PTN: variants seen among roughly 807,000 people sequenced by gnomAD.
PTN encodes heparin affin regulatory protein.
A neutral mutation model predicts 24.1 loss-of-function variants in PTN; 18 were observed. The ratio of observed to expected loss-of-function variants is 0.75; its 90% CI spans 0.52 to 1.11. The LOEUF (loss-of-function observed/expected upper bound fraction) is 1.11, where lower values mean the gene tolerates loss of function less well. Ranked by LOEUF, PTN falls within the 50% of genes least tolerant of loss-of-function variation. The probability of loss-of-function intolerance (pLI) is 0.00; values close to 1 mark genes in which losing one functional copy is unlikely to be tolerated. For missense variants in PTN, 163 were observed against 198.8 expected (o/e 0.82, Z 1.08); for synonymous variants, 78 against 68.6 (o/e 1.14, Z -0.67).
At chr7:137,329,990 A>G (rs1810323016) in intron 1 of PTN, among the ~76,000 whole-genome samples, 1 of 152,200 alleles carries the variant, frequency 6.6e-6, no homozygotes, top group African/African-American at 2.4e-5. Flanking sequence ...CCTCCACATG[A>G]AAATAATGCC....
intron 1 of PTN, among the ~76,000 whole-genome samples, chr7:137,265,770 G>C (rs562309599): frequency 9.5e-4 from 145 of 152,044 alleles, no homozygotes; most frequent in African/African-American, 3.3e-3. Context: ...TTTGTTTAAC[G>C]TGCAGATGGA....
chr7:137,307,077 C>T (rs911107450), intron 1 of PTN, among the ~76,000 whole-genome samples: 5 of 152,066 alleles, frequency 3.3e-5, no homozygotes, highest in Non-Finnish European at 7.4e-5. Flanking sequence ...AACTGAAATT[C>T]AATTAGGTAT....
intron 1 of PTN, among the ~76,000 whole-genome samples, chr7:137,269,624 ATTTTT>A (rs869311084): frequency 6.0e-4 from 38 of 63,002 alleles, no homozygotes; most frequent in African/African-American, 1.9e-3. Flanking sequence ...TGCTTCATCT[ATTTTT>A]TTTTTTTTTT....
At chr7:137,248,392 G>C (rs1434592263) in intron 4 of PTN, among the ~76,000 whole-genome samples, 1 of 152,108 alleles carries the variant, frequency 6.6e-6, no homozygotes, top group Non-Finnish European at 1.5e-5. Context: ...CCTAAAATAA[G>C]AATATTCTTT....
intron 1 of PTN, among the ~76,000 whole-genome samples, chr7:137,261,925 A>G (rs322313): frequency 0.45 from 67,961 of 151,998 alleles, 15,511 homozygotes; most frequent in African/African-American, 0.55. Flanking sequence ...AACAAAGTAC[A>G]TCAGATAATT....
chr7:137,319,562 C>G (rs1810129608), intron 1 of PTN, among the ~76,000 whole-genome samples: 1 of 152,158 alleles, frequency 6.6e-6, no homozygotes, highest in Non-Finnish European at 1.5e-5. Flanking sequence ...TTTGGCCATT[C>G]AGCTTCCTCT....
chr7:137,325,023 G>A (rs1810235630), intron 1 of PTN, among the ~76,000 whole-genome samples: 1 of 152,162 alleles, frequency 6.6e-6, no homozygotes, highest in Admixed American at 6.5e-5. Context: ...TCATCCTGCA[G>A]TAGCTTCCTG....
chr7:137,318,651 A>G (rs1810112572), intron 1 of PTN: 1 of 152,212 alleles, frequency 6.6e-6, no homozygotes, highest in Non-Finnish European at 1.5e-5. Context: ...TCCGAATGAT[A>G]TGATCTTCCT....
chr7:137,338,324 A>G (rs1810481046), intron 1 of PTN, among the ~76,000 whole-genome samples: 1 of 152,216 alleles, frequency 6.6e-6, no homozygotes, highest in South Asian at 2.1e-4. Flanking sequence ...GATTCTAAAT[A>G]AACTCAGTCT....
intron 1 of PTN, among the ~76,000 whole-genome samples, chr7:137,315,338 A>G (rs1354143914): frequency 6.6e-6 from 1 of 151,970 alleles, no homozygotes; most frequent in African/African-American, 2.4e-5. Context: ...TGAATGTCCC[A>G]GAACACTTAC....
intron 1 of PTN, among the ~76,000 whole-genome samples, chr7:137,314,112 A>G (rs1358305205): frequency 1.3e-5 from 2 of 152,154 alleles, no homozygotes; most frequent in South Asian, 2.1e-4. Context: ...ATCTCAGTAG[A>G]AAGGCAGAAG....
chr7:137,259,701 G>A (rs959883381), intron 1 of PTN, among the ~76,000 whole-genome samples: 5 of 151,336 alleles, frequency 3.3e-5, no homozygotes, highest in Non-Finnish European at 4.4e-5. Context: ...CAGAGAGAGA[G>A]AGACATGATT....
chr7:137,322,374 A>G (rs548951617), intron 1 of PTN, among the ~76,000 whole-genome samples: 2 of 152,322 alleles, frequency 1.3e-5, no homozygotes, highest in African/African-American at 4.8e-5. Context: ...TTTAGGAGTG[A>G]CATATGAGTT....
At chr7:137,332,977 C>T (rs190380975) in intron 1 of PTN, among the ~76,000 whole-genome samples, 3 of 152,282 alleles carry the variant, frequency 2.0e-5, no homozygotes, top group Non-Finnish European at 2.9e-5. Flanking sequence ...ATGTTTGTCC[C>T]CACCAAACCT....
chr7:137,258,233 C>T (rs1263408562), intron 1 of PTN, among the ~76,000 whole-genome samples: 2 of 151,926 alleles, frequency 1.3e-5, no homozygotes, highest in Non-Finnish European at 2.9e-5. Context: ...TATGAGCTGA[C>T]TGGAAAGAAG....
At chr7:137,304,700 G>A (rs556379694) in intron 1 of PTN, among the ~76,000 whole-genome samples, 1 of 152,002 alleles carries the variant, frequency 6.6e-6, no homozygotes, top group African/African-American at 2.4e-5. Flanking sequence ...ATATATAAGG[G>A]GTTAATAGTT....
chr7:137,250,995 G>C (rs539127971), intron 4 of PTN, among the ~76,000 whole-genome samples: 1 of 152,190 alleles, frequency 6.6e-6, no homozygotes, highest in South Asian at 2.1e-4. Context: ...TTATTTATTT[G>C]GGTTAGGAGA....
chr7:137,266,597 C>A (rs540293090), intron 1 of PTN, among the ~76,000 whole-genome samples: 1 of 151,384 alleles, frequency 6.6e-6, no homozygotes, highest in South Asian at 2.1e-4. Context: ...TACCATATAA[C>A]ACTCTTTTTA....
At chr7:137,257,497 G>A (rs1350132828) in intron 1 of PTN, among the ~76,000 whole-genome samples, 4 of 152,208 alleles carry the variant, frequency 2.6e-5, no homozygotes, top group Non-Finnish European at 5.9e-5. Flanking sequence ...TGGTACATCA[G>A]TGCTACTATA....
Sources: allele counts gnomAD v4.1 joint callset (sites outside exome capture counted in the v4.1 genomes callset), GRCh38; gene constraint gnomAD v4.1.1; transcripts MANE v1.5; gene names NCBI Gene and HGNC (gene_info 2026-07-23, HGNC 2026-07-21).